KDM6A: variants seen among roughly 807,000 people sequenced by gnomAD.
The protein encoded by KDM6A is lysine-specific demethylase 6A.
A neutral mutation model predicts 117.6 loss-of-function variants in KDM6A; 11 were observed. The ratio of observed to expected loss-of-function variants is 0.09; its 90% CI spans 0.06 to 0.15. KDM6A has a LOEUF of 0.15. Ranked by LOEUF, KDM6A falls within the 10% of genes least tolerant of loss-of-function variation. The probability of loss-of-function intolerance (pLI) is 1.00; values close to 1 mark genes in which losing one functional copy is unlikely to be tolerated. For missense variants in KDM6A, 799 were observed against 1,077.3 expected (o/e 0.74, Z 3.62); for synonymous variants, 384 against 396.1 (o/e 0.97, Z 0.36).
intron 4 of KDM6A, among the ~76,000 whole-genome samples, chrX:45,010,411 A>T (rs906216634): frequency 1.8e-5 from 2 of 111,615 alleles, no homozygotes; most frequent in Non-Finnish European, 3.8e-5. Flanking sequence ...GGTCAAAGTT[A>T]GTCAGGATAA....
At chrX:44,954,429 G>A (rs949884246) in intron 2 of KDM6A, among the ~76,000 whole-genome samples, 4 of 111,977 alleles carry the variant, frequency 3.6e-5, no homozygotes, top group African/African-American at 1.3e-4. Context: ...TAACTAAGTC[G>A]GTGGTGGTGA....
intron 2 of KDM6A, among the ~76,000 whole-genome samples, chrX:44,892,998 A>G (rs1480161884): frequency 2.4e-5 from 2 of 84,484 alleles, no homozygotes; most frequent in African/African-American, 8.4e-5. Flanking sequence ...GTGAGACTCC[A>G]TCTAAAAAAA....
chrX:44,954,275 C>T (rs1602329196), intron 2 of KDM6A, among the ~76,000 whole-genome samples: 3 of 110,996 alleles, frequency 2.7e-5, no homozygotes, highest in Admixed American at 9.6e-5. Flanking sequence ...TTCTGATTTA[C>T]GACACATCTT....
chrX:45,056,127 A>C (rs1026304440), intron 10 of KDM6A, among the ~76,000 whole-genome samples: 8 of 111,476 alleles, frequency 7.2e-5, no homozygotes, highest in African/African-American at 2.6e-4. Context: ...TAAATAAAGG[A>C]TACTTATCAC....
chrX:45,028,360 AT>A (rs1277707101), intron 6 of KDM6A, among the ~76,000 whole-genome samples: 1 of 112,547 alleles, frequency 8.9e-6, no homozygotes, highest in Non-Finnish European at 1.9e-5. Flanking sequence ...CTTTTTTAGT[AT>A]TAGTTACACT....
At chrX:45,005,953 A>ACCCCCCCCCCCCCCCAC (rs1200182498) in intron 4 of KDM6A, among the ~76,000 whole-genome samples, 1 of 23,472 alleles carries the variant, frequency 4.3e-5, no homozygotes, top group South Asian at 3.3e-3. Context: ...ACTTCACCTC[A>ACCCCCCCCCCCCCCCAC]CCCCCCCACC....
intron 8 of KDM6A, among the ~76,000 whole-genome samples, chrX:45,040,546 GC>G (rs1244223390): frequency 8.1e-4 from 39 of 48,288 alleles, no homozygotes; most frequent in East Asian, 1.6e-3. Context: ...GGGCAGAGGG[GC>G]TCCTCACTTC....
In KDM6A at chrX:44,873,868, G is replaced by A; in HGVS notation, c.162-56G>A. 5 of 1,180,162 alleles carry A rather than the reference G, an allele frequency of 4.2e-6. No individual in the cohort carries two copies. The East Asian group carries it at 1.5e-4, about 36-fold the overall frequency. On this transcript the variant is annotated intron_variant, in intron 1 of 29. Transcript: ENST00000611820. ...CGCTGGGGCCTCGGGCTCGGGCAGGGACGGGTCGGTGGCGTTCCCTGAGCG... is the reference window on the plus strand; with the variant it reads ...CGCTGGGGCCTCGGGCTCGGGCAGGAACGGGTCGGTGGCGTTCCCTGAGCG...
intron 28 of KDM6A, among the ~76,000 whole-genome samples, chrX:45,108,974 TGGGGGGAG>T (rs1203953398): frequency 3.4e-5 from 1 of 29,643 alleles, no homozygotes; most frequent in Non-Finnish European, 5.7e-5. Flanking sequence ...TGTTGTGGGA[TGGGGGGAG>T]GGGGGAGGGA....
chrX:45,076,909 C>A, intron 19 of KDM6A, 83 bp downstream of exon 19: 2 of 876,952 alleles, frequency 2.3e-6, no homozygotes, highest in Non-Finnish European at 1.7e-6. Flanking sequence ...TACATGGATG[C>A]CCTTTAGGAA....
intron 2 of KDM6A, among the ~76,000 whole-genome samples, chrX:44,888,047 C>T (rs766719026): frequency 5.7e-4 from 63 of 111,340 alleles, no homozygotes; most frequent in Admixed American, 2.2e-3. Context: ...TGGCTCACCC[C>T]TGTAATCCCA....
intron 2 of KDM6A, among the ~76,000 whole-genome samples, chrX:44,945,361 C>T (rs766401373): frequency 1.9e-4 from 21 of 110,800 alleles, no homozygotes; most frequent in Non-Finnish European, 3.6e-4. Flanking sequence ...CTTTGTTTCA[C>T]GTTTCTTTAG....
At chrX:44,896,166 T>C (rs1035529725) in intron 2 of KDM6A, among the ~76,000 whole-genome samples, 3 of 108,564 alleles carry the variant, frequency 2.8e-5, no homozygotes, top group Non-Finnish European at 5.7e-5. Context: ...CTCCGCCTCC[T>C]GGGTTCATGC....
At chrX:44,894,564 T>C (rs968328994) in intron 2 of KDM6A, among the ~76,000 whole-genome samples, 1 of 110,554 alleles carries the variant, frequency 9.0e-6, no homozygotes, top group Non-Finnish European at 1.9e-5. Context: ...GACACGATGA[T>C]TTGTGTTTTC....
chrX:45,090,574 G>A (rs752999773), intron 26 of KDM6A, 149 bp from the exon 27 acceptor site: 2 of 577,801 alleles, frequency 3.5e-6, no homozygotes, highest in Non-Finnish European at 5.5e-6. Context: ...TATTACTACT[G>A]TAATTATCAT....
At chrX:44,911,559 A>AG (rs1404086541) in intron 2 of KDM6A, among the ~76,000 whole-genome samples, 1 of 109,729 alleles carries the variant, frequency 9.1e-6, no homozygotes. Context: ...AGCCGGGCAG[A>AG]GGGGCTCTTC....
chrX:45,005,227 C>A (rs2041374938), intron 4 of KDM6A, among the ~76,000 whole-genome samples: 1 of 110,048 alleles, frequency 9.1e-6, no homozygotes, highest in Non-Finnish European at 1.9e-5. Flanking sequence ...GGAGGGATAA[C>A]GTGAGTGGAG....
intron 10 of KDM6A, among the ~76,000 whole-genome samples, chrX:45,054,740 G>C (rs1433864447): frequency 8.9e-6 from 1 of 111,959 alleles, no homozygotes; most frequent in Non-Finnish European, 1.9e-5. Flanking sequence ...TCCTGATTCA[G>C]CTACTGTTTG....
chrX:44,961,720 A>G (rs1346926276), intron 3 of KDM6A, among the ~76,000 whole-genome samples: 1 of 111,947 alleles, frequency 8.9e-6, no homozygotes, highest in East Asian at 2.8e-4. Context: ...AAAACTCACC[A>G]TTTTTCTTTA....
Sources: gnomAD v4.1 joint callset for allele counts (sites outside exome capture counted in the v4.1 genomes callset) on GRCh38, gnomAD v4.1.1 for gene constraint, MANE v1.5 for transcripts, NCBI Gene and HGNC (gene_info 2026-07-23, HGNC 2026-07-21) for gene names.